COL23A1: variants seen among roughly 807,000 people sequenced by gnomAD.
The protein encoded by COL23A1 is collagen type XXIII alpha 1 chain, also known as collagen alpha-1(XXIII) chain.
COL23A1 carries 97 observed loss-of-function variants against 99.3 expected under a neutral mutation model. The observed-to-expected ratio is 0.98, with a 90% CI of 0.83 to 1.16. The LOEUF (loss-of-function observed/expected upper bound fraction) is 1.16, where lower values mean the gene tolerates loss of function less well. Ranked by LOEUF, COL23A1 falls within the 50% of genes most tolerant of loss-of-function variation. The pLI is 0.00. For missense variants in COL23A1, 762 were observed against 757.4 expected (o/e 1.01, Z -0.07); for synonymous variants, 320 against 308.2 (o/e 1.04, Z -0.40).
intron 1 of COL23A1, among the ~76,000 whole-genome samples, chr5:178,585,315 G>A (rs1322231036): frequency 1.3e-5 from 2 of 151,896 alleles, no homozygotes; most frequent in Non-Finnish European, 2.9e-5. Context: ...GGCTGACCCT[G>A]GGGTAACACT....
rs1561852506 is a variant in COL23A1 at position 178,313,399 on chromosome 5, C to T, written c.362-6480G>A. On this transcript the variant is annotated intron_variant, in intron 2 of 28. Transcript: ENST00000390654. The surrounding 1 kb of genome is among the most constrained non-coding windows in gnomAD (Gnocchi z 4.2). ...ATTAAAGAAAACAAAACAAACACCC[C>T]AGGGGTCTCAGCTACCCCTGAGCGA... Among the ~76,000 whole-genome samples, 1 of 152,196 alleles carries T rather than the reference C, an allele frequency of 6.6e-6. No individual in the cohort carries two copies. Among genetic ancestry groups the T allele is most frequent in the African/African-American group, 2.4e-5 (1 of 41,446 alleles).
At chr5:178,580,910 G>A (rs1378232392) in intron 1 of COL23A1, among the ~76,000 whole-genome samples, 1 of 152,110 alleles carries the variant, frequency 6.6e-6, no homozygotes, top group Non-Finnish European at 1.5e-5. Context: ...TCGGGAGGCT[G>A]AGGCGGAAGG....
At position 178,300,517 on chromosome 5, in the gene COL23A1, C is replaced by T. The variant is rs371239238; in HGVS notation, c.406+6358G>A. On this transcript the variant is annotated intron_variant, in intron 3 of 28. Coordinates refer to ENST00000390654, the MANE Select transcript of COL23A1 (RefSeq NM_173465.4). ...GTTAATATTATTGAGCATCCCTTTTCTGTGATATGCTATTTCTCTCATGAT... is the reference window on the plus strand; with the variant it reads ...GTTAATATTATTGAGCATCCCTTTTTTGTGATATGCTATTTCTCTCATGAT... Among the ~76,000 whole-genome samples the T allele has an allele frequency of 9.2e-5, 14 of 151,688 alleles. No individual in the cohort carries two copies. The East Asian group carries it at 1.4e-3, about 15-fold the overall frequency.
At chr5:178,515,665 C>T (rs544884808) in intron 2 of COL23A1, among the ~76,000 whole-genome samples, 13 of 152,302 alleles carry the variant, frequency 8.5e-5, no homozygotes, top group Admixed American at 2.0e-4. Flanking sequence ...CCCCGCTCCC[C>T]GCCTCTGCTG....
intron 2 of COL23A1, among the ~76,000 whole-genome samples, chr5:178,458,303 G>T (rs72808865): frequency 2.0e-5 from 3 of 152,084 alleles, no homozygotes; most frequent in Non-Finnish European, 4.4e-5. Context: ...TGCAGGGGGC[G>T]GGGGTGCAGT....
intron 3 of COL23A1, among the ~76,000 whole-genome samples, chr5:178,292,679 G>T (rs917240947): frequency 6.6e-6 from 1 of 152,148 alleles, no homozygotes; most frequent in Non-Finnish European, 1.5e-5. Flanking sequence ...TGGTGGCAGT[G>T]GAAGTGGTGG....
chr5:178,248,099 A>C, intron 20 of COL23A1, 93 bp downstream of exon 20: 1 of 926,780 alleles, frequency 1.1e-6, no homozygotes, highest in Admixed American at 2.2e-5. Context: ...GGGTTTGCTC[A>C]GGCCAGGTGG....
chr5:178,548,005 C>A (rs1249615621), intron 2 of COL23A1, among the ~76,000 whole-genome samples: 1 of 4,876 alleles, frequency 2.1e-4, no homozygotes, highest in Non-Finnish European at 4.7e-4. Flanking sequence ...ACCCCCATAC[C>A]CACCCACACA....
intron 2 of COL23A1, among the ~76,000 whole-genome samples, chr5:178,526,762 A>G (rs943160542): frequency 2.6e-5 from 4 of 152,158 alleles, no homozygotes; most frequent in Non-Finnish European, 4.4e-5. Flanking sequence ...TCAAACTCAG[A>G]CTACAGCCCC....
chr5:178,441,722 C>CG (rs946552453), intron 2 of COL23A1, among the ~76,000 whole-genome samples: 13 of 151,968 alleles, frequency 8.6e-5, no homozygotes, highest in Non-Finnish European at 1.8e-4. Context: ...GGTGACGACG[C>CG]GGGGTGATGA....
intron 2 of COL23A1, among the ~76,000 whole-genome samples, chr5:178,358,423 GTGTA>G (rs575857509): frequency 6.8e-6 from 1 of 146,226 alleles, no homozygotes; most frequent in African/African-American, 2.6e-5. Flanking sequence ...GTGTATGTGT[GTGTA>G]TGTGTATGTG....
chr5:178,441,415 C>T (rs1346928089), intron 2 of COL23A1, among the ~76,000 whole-genome samples: 1 of 152,002 alleles, frequency 6.6e-6, no homozygotes, highest in African/African-American at 2.4e-5. Context: ...GGACAGGCTG[C>T]GTAATTTGCA....
rs59750946 is a variant in COL23A1 at position 178,258,394 on chromosome 5, GTT to G, written c.730-829_730-828del. Among the ~76,000 whole-genome samples the G allele has an allele frequency of 4.0e-4, 44 of 109,072 alleles. No homozygotes were observed. In the East Asian group the frequency reaches 4.2e-3, roughly 11 times the overall value. The allele number at this position is 109,072 out of a possible 152,430, so 71.6% of individuals were successfully genotyped here. A position where few individuals can be genotyped will look rare whatever the true frequency, so the allele number is the denominator to read the frequency against. ...GAAGGTCTCCTGGAAGATGGGAGAGGTTTTTTTTTTTTTTTTTTTGTAAGGTG... is the reference window on the plus strand; with the variant it reads ...GAAGGTCTCCTGGAAGATGGGAGAGGTTTTTTTTTTTTTTTTTGTAAGGTG... On this transcript the variant is annotated intron_variant, in intron 12 of 28. Coordinates refer to ENST00000390654, the MANE Select transcript of COL23A1 (RefSeq NM_173465.4).
intron 1 of COL23A1, among the ~76,000 whole-genome samples, chr5:178,585,404 G>GGCGC (rs148855510): frequency 0.08 from 11,139 of 138,996 alleles, 689 homozygotes; most frequent in East Asian, 0.3. Flanking sequence ...CCTGACTGAT[G>GGCGC]TGTGGGTAAC....
chr5:178,302,457 C>T (rs2973794), intron 3 of COL23A1, among the ~76,000 whole-genome samples: 43,828 of 64,892 alleles, frequency 0.68, 16,514 homozygotes, highest in African/African-American at 0.75. Flanking sequence ...CTGTGTGTGC[C>T]GGAGCACGGC....
chr5:178,311,507 C>CGTGT (rs1307866835), intron 2 of COL23A1, among the ~76,000 whole-genome samples: 3,314 of 26,100 alleles, frequency 0.13, 123 homozygotes, highest in African/African-American at 0.24. Context: ...TGTGTGTGTG[C>CGTGT]GCGTGTGTGT....
chr5:178,421,660 G>A (rs1220086843), intron 2 of COL23A1, among the ~76,000 whole-genome samples: 2 of 152,314 alleles, frequency 1.3e-5, no homozygotes, highest in Non-Finnish European at 2.9e-5. Context: ...CCGGAGGTCA[G>A]AAGTTCGAGA....
intron 1 of COL23A1, among the ~76,000 whole-genome samples, chr5:178,578,106 CATGCACACAT>C (rs1763480068): frequency 6.7e-6 from 1 of 149,238 alleles, no homozygotes; most frequent in African/African-American, 2.5e-5. Flanking sequence ...CACACGCCCA[CATGCACACAT>C]TCATGCACAC....
At position 178,331,895 on chromosome 5, in the gene COL23A1, C is replaced by T. The variant is rs1028664945; in HGVS notation, c.362-24976G>A. ...GCAGGGCCAGGCCAGGAGGAAGGCACGCAAAAGCCAAGCAAAGCCACTTGG... is the reference window on the plus strand; with the variant it reads ...GCAGGGCCAGGCCAGGAGGAAGGCATGCAAAAGCCAAGCAAAGCCACTTGG... On this transcript the variant is annotated intron_variant, in intron 2 of 28. Transcript: ENST00000390654. Among the ~76,000 whole-genome samples, 5 of 152,282 alleles carry T rather than the reference C, an allele frequency of 3.3e-5. 1 individual carries two copies. Among genetic ancestry groups the T allele is most frequent in the Middle Eastern group, 6.8e-3 (2 of 294 alleles).
Sources: allele counts gnomAD v4.1 joint callset (sites outside exome capture counted in the v4.1 genomes callset), GRCh38; gene constraint gnomAD v4.1.1; non-coding constraint Gnocchi (gnomAD v3.1); transcripts MANE v1.5; gene names NCBI Gene and HGNC (gene_info 2026-07-23, HGNC 2026-07-21).